Variants in CCDC88A observed in about 807,000 individuals in gnomAD.
The protein encoded by CCDC88A is coiled-coil and HOOK domain protein 88A.
In CCDC88A, 54 loss-of-function variants were observed where a neutral mutation model predicts 234.3. That is an observed-to-expected ratio of 0.23 (90% CI 0.19 to 0.29). CCDC88A has a LOEUF of 0.29. Among genes scored for constraint, CCDC88A ranks in the 10% least tolerant of loss-of-function variants. The probability of loss-of-function intolerance (pLI) is 1.00; values close to 1 mark genes in which losing one functional copy is unlikely to be tolerated. For synonymous variants in CCDC88A, 753 were observed against 737.8 expected, an observed-to-expected ratio of 1.02 and a Z score of -0.33; for missense variants, 1,832 against 2,123.4, an observed-to-expected ratio of 0.86 and a Z score of 2.70.
intron 7 of CCDC88A, among the ~76,000 whole-genome samples, chr2:55,358,338 C>G (rs889959338): frequency 6.6e-6 from 1 of 152,166 alleles, no homozygotes; most frequent in Non-Finnish European, 1.5e-5. Context: ...TCAAGTTTGA[C>G]TCTATCGCTG....
intron 26 of CCDC88A, 38 bp downstream of exon 26, chr2:55,303,031 A>T: frequency 8.3e-7 from 1 of 1,205,906 alleles, no homozygotes; most frequent in Non-Finnish European, 1.2e-6. Flanking sequence ...AAGCCAGTGT[A>T]GTCAGTTGAA....
Position 55,335,009 on chromosome 2 carries a change from G to C in CCDC88A, c.1812C>G (p.Ser604Arg). The change falls in exon 15 of 33, where the codon AGC (serine) becomes AGG (arginine). Residue 604 changes from serine (S) to arginine (R), a missense_variant. Physicochemically the swap from Ser to Arg is moderately radical, Grantham distance 110 (BLOSUM62 -1). Transcript: ENST00000436346. This position sits in a 1 kb window ranked among gnomAD's most constrained non-coding sequence, Gnocchi z 4.5. ...TTTGTCTTTTTTCAAATTCAATCTTGCTTAGCTTGCTACTTGTTTCTTTGA... is the reference window on the plus strand; with the variant it reads ...TTTGTCTTTTTTCAAATTCAATCTTCCTTAGCTTGCTACTTGTTTCTTTGA... Reference protein sequence around the residue: ...ESIKETSSKLSKIEFEKRQIK... With the variant: ...ESIKETSSKLRKIEFEKRQIK... 6.2e-7 allele frequency: 1 copy of C among 1,605,650 alleles called. No individual in the cohort carries two copies. The highest frequency in any genetic ancestry group is 8.5e-7 in the Non-Finnish European group (1 of 1,175,356).
At chr2:55,326,970 T>C (rs962289731) in intron 17 of CCDC88A, among the ~76,000 whole-genome samples, 3 of 152,214 alleles carry the variant, frequency 2.0e-5, no homozygotes, top group Admixed American at 2.0e-4. Context: ...ATTGATTTTA[T>C]TTGCAACTCA....
chr2:55,345,490 C>G (rs13419337), intron 10 of CCDC88A: 9,239 of 152,412 alleles, frequency 0.061, 897 homozygotes, highest in African/African-American at 0.2. Context: ...TCCACCTCCT[C>G]GGTTCAAGCG....
chr2:55,387,311 T>C (rs1372554956), intron 3 of CCDC88A, among the ~76,000 whole-genome samples: 1 of 151,354 alleles, frequency 6.6e-6, no homozygotes, highest in South Asian at 2.1e-4. Context: ...TAAAAGAGAA[T>C]GACTAGAATT....
At chr2:55,384,550 T>TATATATGC (rs1675177267) in intron 3 of CCDC88A, among the ~76,000 whole-genome samples, 1 of 67,516 alleles carries the variant, frequency 1.5e-5, no homozygotes, top group African/African-American at 8.3e-5. Flanking sequence ...CGTATATATG[T>TATATATGC]GTATATATAC....
At chr2:55,362,478 A>C (rs779115542) in intron 6 of CCDC88A, 30 bp from the exon 7 acceptor site, 4 of 1,582,392 alleles carry the variant, frequency 2.5e-6, no homozygotes, top group Non-Finnish European at 3.4e-6. Context: ...ATAAACAACC[A>C]AAAAAGTGGC....
Position 55,332,345 on chromosome 2 carries a change from C to A in CCDC88A, c.2855+221G>T, listed in dbSNP as rs1685016795. On this transcript the variant is annotated intron_variant, in intron 16 of 32. Transcript: ENST00000436346. This position sits in a 1 kb window ranked among gnomAD's most constrained non-coding sequence, Gnocchi z 4.5. ...CCATGTTGGTCAGGCTGATCTCGAA[C>A]TCCCGACCTCAGGTGATCCGCCCGC... 2.0e-6 allele frequency: 1 copy of A among 488,978 alleles called. No homozygotes were observed. Among genetic ancestry groups the A allele is most frequent in the African/African-American group, 2.1e-5 (1 of 48,708 alleles). 30.3% of individuals were successfully genotyped at this position (488,978 alleles called of 1,614,324 possible).
At chr2:55,379,661 C>T (rs897872311) in intron 3 of CCDC88A, among the ~76,000 whole-genome samples, 1 of 152,206 alleles carries the variant, frequency 6.6e-6, no homozygotes, top group Non-Finnish European at 1.5e-5. Context: ...GGCACAGCAG[C>T]TCACGCCTGT....
chr2:55,403,741 C>T (rs1280745554), intron 2 of CCDC88A: 7 of 152,180 alleles, frequency 4.6e-5, no homozygotes, highest in Admixed American at 6.5e-5. Flanking sequence ...GTATAGAGAC[C>T]TGGGGACTTA....
rs771597302 is a variant in CCDC88A, at chr2:55,346,165, T to C, written c.1041+10A>G. The C allele has an allele frequency of 1.9e-6, 3 of 1,576,294 alleles. No individual in the cohort carries two copies. The highest frequency in any genetic ancestry group is 1.4e-5 in the African/African-American group (1 of 73,552). ...AAAAAAAATCATGAATGGTTAATTA[T>C]GCAACATACCTCAACTCTTGCCTTA... On this transcript the variant is annotated intron_variant, in intron 10 of 32. Transcript: ENST00000436346.
chr2:55,351,857 G>A (rs76743047), intron 8 of CCDC88A, among the ~76,000 whole-genome samples: 298 of 152,126 alleles, frequency 2.0e-3, no homozygotes, highest in African/African-American at 6.8e-3. Flanking sequence ...ATCAAAATGC[G>A]GTATATCCAT....
At chr2:55,341,502 T>C (rs1248401324) in intron 12 of CCDC88A, among the ~76,000 whole-genome samples, 1 of 147,676 alleles carries the variant, frequency 6.8e-6, no homozygotes, top group Non-Finnish European at 1.5e-5. Context: ...TGGAGTGCAA[T>C]AGGATGATCT....
Position 55,346,230 on chromosome 2 carries a change from A to G in CCDC88A, c.986T>C (p.Val329Ala), listed in dbSNP as rs1669092387. ...AVRVDKLESE[V>A]SRYKERLHDI... Reference sequence around the variant, plus strand: ...ATGTAGTCTCTCTTTATATCTGCTGACTTCACTTTCAAGCTTATCGACTCT... The same window carrying G: ...ATGTAGTCTCTCTTTATATCTGCTGGCTTCACTTTCAAGCTTATCGACTCT... The change falls in exon 10 of 33, where the codon GTC (valine) becomes GCC (alanine). Residue 329 changes from valine to alanine, a missense_variant. Transcript: ENST00000436346. 1 of 1,611,760 alleles carries G rather than the reference A, an allele frequency of 6.2e-7. No homozygotes were observed. The highest frequency in any genetic ancestry group is 8.5e-7 in the Non-Finnish European group (1 of 1,178,384).
chr2:55,362,365 C>G lies in CCDC88A; in HGVS notation c.570G>C (p.Leu190Phe). Residue 190 changes from leucine to phenylalanine, a missense_variant, in exon 7 of 33, where the codon TTG becomes TTC. Leu to Phe is a conservative substitution (Grantham distance 22). Coordinates refer to ENST00000436346, the MANE Select transcript of CCDC88A (RefSeq NM_001365480.1). ...TTTTTAGATGCAATGCCATATTTTT[C>G]AAGAGTGGTTCTATGTCCTCCTGCG... ...DMSQEDIEPL[L>F]KNMALHLKRL... 1.3e-6 allele frequency: 2 copies of G among 1,595,752 alleles called. No homozygotes were observed. The highest frequency in any genetic ancestry group is 1.7e-6 in the Non-Finnish European group (2 of 1,172,664).
intron 16 of CCDC88A, chr2:55,330,010 C>G (rs1684728382): frequency 6.6e-6 from 1 of 152,200 alleles, no homozygotes; most frequent in Non-Finnish European, 1.5e-5. Flanking sequence ...ATCCGCCTGC[C>G]TCAGCCTCCC....
chr2:55,295,594 C>G lies in CCDC88A; in HGVS notation c.5551+3G>C, dbSNP rs1436560992. The G allele has an allele frequency of 6.2e-7, 1 of 1,613,968 alleles. No homozygotes were observed. The highest frequency in any genetic ancestry group is 8.5e-7 in the Non-Finnish European group (1 of 1,179,986). ...GAGGACCACTGGTGTAAATGGTACT[C>G]ACTAGATGCTGCAGTGGTGTTGCTG... On this transcript the variant is annotated splice_donor_region_variant and intron_variant, in intron 31 of 32. Coordinates refer to ENST00000436346, the MANE Select transcript of CCDC88A (RefSeq NM_001365480.1).
At chr2:55,301,132 T>G (rs1680849012) in intron 28 of CCDC88A, 74 bp downstream of exon 28, 1 of 843,306 alleles carries the variant, frequency 1.2e-6, no homozygotes, top group Non-Finnish European at 2.0e-6. Flanking sequence ...CGCATTCACC[T>G]ATTAAAGGCA....
chr2:55,389,663 A>C (rs1485884878), intron 2 of CCDC88A, among the ~76,000 whole-genome samples: 3 of 152,174 alleles, frequency 2.0e-5, no homozygotes, highest in African/African-American at 2.4e-5. Context: ...TTTAGGTCTC[A>C]AGACCCCTTT....
Sources: allele counts gnomAD v4.1 joint callset (sites outside exome capture counted in the v4.1 genomes callset), GRCh38; gene constraint gnomAD v4.1.1; non-coding constraint Gnocchi (gnomAD v3.1); transcripts MANE v1.5; gene names NCBI Gene and HGNC (gene_info 2026-07-23, HGNC 2026-07-21).